Variants in ACSM5 observed in about 807,000 individuals in gnomAD.
ACSM5 encodes acyl-coenzyme A synthetase ACSM5, mitochondrial.
A neutral mutation model predicts 71.6 loss-of-function variants in ACSM5; 56 were observed. The ratio of observed to expected loss-of-function variants is 0.78; its 90% CI spans 0.63 to 0.98. The LOEUF (loss-of-function observed/expected upper bound fraction) is 0.98, where lower values mean the gene tolerates loss of function less well. Ranked by LOEUF, ACSM5 falls within the 50% of genes least tolerant of loss-of-function variation. The pLI is 0.00. For synonymous variants in ACSM5, 285 were observed against 281.5 expected, an observed-to-expected ratio of 1.01 and a Z score of -0.12; for missense variants, 723 against 726.0, an observed-to-expected ratio of 1.00 and a Z score of 0.05.
At chr16:20,436,094 CTCTT>C (rs150584025) in intron 10 of ACSM5, among the ~76,000 whole-genome samples, 64 of 141,390 alleles carry the variant, frequency 4.5e-4, no homozygotes, top group African/African-American at 7.6e-4. Context: ...CCTTCCTTTT[CTCTT>C]TCTTTCTTTC....
chr16:20,434,077 C>T (rs1314107439), intron 10 of ACSM5, among the ~76,000 whole-genome samples: 1 of 152,094 alleles, frequency 6.6e-6, no homozygotes, highest in Non-Finnish European at 1.5e-5. Flanking sequence ...CACTTTCTTT[C>T]ACTTTCTTTA....
chr16:20,414,063 A>G lies in ACSM5; in HGVS notation c.204+2375A>G, dbSNP rs374862453. ...AGTTGTGGGGAATGGGTGGGGGTGG[A>G]TCTGATTTCCTGAGTAATCACATGA... On this transcript the variant is annotated intron_variant, in intron 2 of 13. Transcript: ENST00000331849. Among the ~76,000 whole-genome samples, 22 of 152,302 alleles carry G rather than the reference A, an allele frequency of 1.4e-4. No homozygotes were observed. In the East Asian group the frequency reaches 2.1e-3, roughly 15 times the overall value.
intron 2 of ACSM5, among the ~76,000 whole-genome samples, chr16:20,413,406 G>T (rs1354038816): frequency 1.3e-5 from 2 of 152,178 alleles, no homozygotes; most frequent in African/African-American, 4.8e-5. Context: ...TATTTGAGCT[G>T]CCCATTGGTT....
chr16:20,421,478 GGT>G, intron 5 of ACSM5, 77 bp downstream of exon 5: 1 of 1,356,348 alleles, frequency 7.4e-7, no homozygotes, highest in Non-Finnish European at 9.7e-7. Flanking sequence ...TGAGGGGAAA[GGT>G]GTCAGGAACG....
chr16:20,421,481 G>A, intron 5 of ACSM5, 80 bp downstream of exon 5: 1 of 1,334,116 alleles, frequency 7.5e-7, no homozygotes, highest in Non-Finnish European at 9.8e-7. Flanking sequence ...GGGGAAAGGT[G>A]TCAGGAACGG....
chr16:20,432,768 T>C (rs747348223), intron 10 of ACSM5, among the ~76,000 whole-genome samples: 4 of 151,360 alleles, frequency 2.6e-5, no homozygotes, highest in Non-Finnish European at 4.4e-5. Flanking sequence ...GAAAAGTTAT[T>C]TGCTAGACAA....
intron 10 of ACSM5, among the ~76,000 whole-genome samples, chr16:20,434,522 C>G (rs936739411): frequency 6.6e-6 from 1 of 151,968 alleles, no homozygotes; most frequent in Non-Finnish European, 1.5e-5. Context: ...GGTGAAACAC[C>G]CTCTCTACTA....
intron 6 of ACSM5, among the ~76,000 whole-genome samples, chr16:20,424,574 C>G (rs1308777050): frequency 1.3e-5 from 2 of 152,136 alleles, no homozygotes; most frequent in Non-Finnish European, 2.9e-5. Flanking sequence ...CTTAAAATGT[C>G]AGAGGACACT....
At chr16:20,428,585 T>C (rs1337080879) in intron 7 of ACSM5, among the ~76,000 whole-genome samples, 1 of 152,206 alleles carries the variant, frequency 6.6e-6, no homozygotes, top group Admixed American at 6.5e-5. Flanking sequence ...AGTCGTCCTC[T>C]CATCTTTCCT....
At chr16:20,425,787 C>G (rs745412778) in intron 6 of ACSM5, among the ~76,000 whole-genome samples, 4,053 of 147,454 alleles carry the variant, frequency 0.027, 85 homozygotes, top group Middle Eastern at 0.051. Context: ...GAGTTGTATT[C>G]CATTATATAT....
rs1966848500 is a variant in ACSM5 at position 20,411,863 on chromosome 16, G to A, written c.204+175G>A. The A allele has an allele frequency of 9.2e-6, 6 of 652,668 alleles. No homozygotes were observed. The Admixed American group carries it at 1.3e-4, about 14-fold the overall frequency. The allele number at this position is 652,668 out of a possible 1,614,324, so 40.4% of individuals were successfully genotyped here. A position where few individuals can be genotyped will look rare whatever the true frequency, so the allele number is the denominator to read the frequency against. ...ACTTAGGAAAAAATTCTGAGTCAGT[G>A]TTGTGAGCCTTAGACATGCTTGTTC... On this transcript the variant is annotated intron_variant, in intron 2 of 13. Transcript: ENST00000331849.
In ACSM5 at chr16:20,411,628, G is replaced by A. The variant is rs781177228; in HGVS notation, c.144G>A (p.Leu48=). 5 of 1,614,144 alleles carry A rather than the reference G, an allele frequency of 3.1e-6. No individual in the cohort carries two copies. In the South Asian group the frequency reaches 4.4e-5, roughly 14 times the overall value. ...AAGCCATCAGCCTGGGAAGGCAGCT[G>A]GTGCCTGAGTACTTCAACTTCGCCC... ...TWEAISLGRQ[L]VPEYFNFAHD... is the part of the protein sequence containing the mutation. The change falls in exon 2 of 14, where the codon CTG becomes CTA. Residue 48 remains leucine (L), a synonymous_variant. Coordinates refer to ENST00000331849, the MANE Select transcript of ACSM5 (RefSeq NM_017888.3).
At chr16:20,416,671 G>A (rs539543735) in intron 2 of ACSM5, among the ~76,000 whole-genome samples, 3 of 152,180 alleles carry the variant, frequency 2.0e-5, no homozygotes, top group South Asian at 2.1e-4. Flanking sequence ...CTCTGATTGG[G>A]CAATGGTTTC....
chr16:20,412,661 C>T (rs1460679649), intron 2 of ACSM5, among the ~76,000 whole-genome samples: 3 of 152,132 alleles, frequency 2.0e-5, no homozygotes, highest in African/African-American at 7.2e-5. Context: ...AGCCTTTTCC[C>T]TAGGGGTTTT....
At position 20,437,034 on chromosome 16, in the gene ACSM5, G is replaced by T. The variant is rs1343716315; in HGVS notation, c.1309-18G>T. The T allele has an allele frequency of 6.2e-7, 1 of 1,613,864 alleles. No homozygotes were observed. Among genetic ancestry groups the T allele is most frequent in the African/African-American group, 1.3e-5 (1 of 74,888 alleles). ...GTTGTTCCCAGAGGGTCCTTCACGGGTTGTCTTTGTCTTTCAGGACAATCC... is the reference window on the plus strand; with the variant it reads ...GTTGTTCCCAGAGGGTCCTTCACGGTTTGTCTTTGTCTTTCAGGACAATCC... On this transcript the variant is annotated intron_variant, in intron 10 of 13. Transcript: ENST00000331849.
rs747352575 is a variant in ACSM5 at position 20,421,272 on chromosome 16, A to C, written c.638A>C (p.Glu213Ala). The C allele has an allele frequency of 7.5e-6, 12 of 1,599,400 alleles. No individual in the cohort carries two copies. In the Admixed American group the frequency reaches 1.7e-4, roughly 23 times the overall value. Residue 213 changes from glutamate to alanine, a missense_variant, in exon 5 of 14, where the codon GAG becomes GCG. Glu to Ala is a moderately radical substitution (Grantham distance 107, BLOSUM62 -1). Coordinates refer to ENST00000331849, the MANE Select transcript of ACSM5 (RefSeq NM_017888.3). ...FRELLREASTEHNCMRTKSRD... is the reference protein window; with the variant it reads ...FRELLREASTAHNCMRTKSRD... ...ACGTTTTACAGGGAGGCTTCTACAGAGCACAACTGCATGAGGACAAAGAGT... is the reference window on the plus strand; with the variant it reads ...ACGTTTTACAGGGAGGCTTCTACAGCGCACAACTGCATGAGGACAAAGAGT...
intron 10 of ACSM5, among the ~76,000 whole-genome samples, chr16:20,434,776 C>G (rs1967161966): frequency 6.6e-6 from 1 of 152,228 alleles, no homozygotes; most frequent in African/African-American, 2.4e-5. Flanking sequence ...ATCACTTACT[C>G]TGTCTCTGTA....
Position 20,411,669 on chromosome 16 carries a change from T to C in ACSM5, c.185T>C (p.Val62Ala). ...AACTTCGCCCATGATGTGCTGGATG[T>C]GTGGAGTCGGCTGGAAGAGGTGAAG... ...YFNFAHDVLD[V>A]WSRLEEAGHR... is the part of the protein sequence containing the mutation. Residue 62 changes from valine to alanine, a missense_variant, in exon 2 of 14, where the codon GTG becomes GCG. Transcript: ENST00000331849. The C allele has an allele frequency of 6.2e-7, 1 of 1,613,984 alleles. No homozygotes were observed. The highest frequency in any genetic ancestry group is 8.5e-7 in the Non-Finnish European group (1 of 1,180,004).
intron 5 of ACSM5, among the ~76,000 whole-genome samples, chr16:20,421,614 G>C (rs1357175343): frequency 7.8e-5 from 2 of 25,712 alleles, no homozygotes; most frequent in African/African-American, 1.4e-4. Context: ...TTAAATCGTG[G>C]CTATATATAT....
Sources: gnomAD v4.1 joint callset for allele counts (sites outside exome capture counted in the v4.1 genomes callset) on GRCh38, gnomAD v4.1.1 for gene constraint, MANE v1.5 for transcripts, NCBI Gene and HGNC (gene_info 2026-07-23, HGNC 2026-07-21) for gene names.